The following PRXL2B variants were observed in gnomAD, a reference collection of about 807,000 sequenced individuals.
PRXL2B encodes the protein peroxiredoxin like 2B, also known as prostamide/prostaglandin F synthase.
A neutral mutation model predicts 24.4 loss-of-function variants in PRXL2B; 26 were observed. That is an observed-to-expected ratio of 1.07 (90% confidence interval 0.78 to 1.48). The LOEUF (loss-of-function observed/expected upper bound fraction) is 1.48, where lower values mean the gene tolerates loss of function less well. Ranked by LOEUF, PRXL2B falls within the 40% of genes most tolerant of loss-of-function variation. The probability of loss-of-function intolerance (pLI) is 0.00; values close to 1 mark genes in which losing one functional copy is unlikely to be tolerated. For synonymous variants in PRXL2B, 115 were observed against 118.9 expected, an observed-to-expected ratio of 0.97 and a Z score of 0.21; for missense variants, 269 against 264.8, an observed-to-expected ratio of 1.02 and a Z score of -0.11.
At position 2,590,710 on chromosome 1, in the gene PRXL2B, G is replaced by T. The variant is rs891922165; in HGVS notation, c.*1283G>T. ...GGAAGACAATGCACCTTGGAGGGTGGGCAGGACACAGTTGATTGTCTCTAC... is the reference window on the plus strand; with the variant it reads ...GGAAGACAATGCACCTTGGAGGGTGTGCAGGACACAGTTGATTGTCTCTAC... On this transcript the variant is annotated 3_prime_UTR_variant, in exon 7 of 7. Transcript: ENST00000419916. The T allele has an allele frequency of 4.5e-5, 17 of 379,908 alleles. No homozygotes were observed. The highest frequency in any genetic ancestry group is 7.0e-5 in the Non-Finnish European group (15 of 214,122). 23.5% of individuals were successfully genotyped at this position (379,908 alleles called of 1,614,324 possible). A position where few individuals can be genotyped will look rare whatever the true frequency, so the allele number is the denominator to read the frequency against.
chr1:2,590,680 A>G lies in PRXL2B; in HGVS notation c.*1253A>G, dbSNP rs577343419. ...ACTTAGCTCAAGTCTGAAGCTGTAG[A>G]TACTGGAAGACAATGCACCTTGGAG... On this transcript the variant is annotated 3_prime_UTR_variant, in exon 7 of 7. Coordinates refer to ENST00000419916, the MANE Select transcript of PRXL2B (RefSeq NM_152371.5). 1.6e-4 allele frequency: 55 copies of G among 344,260 alleles called. No homozygotes were observed. Among genetic ancestry groups the G allele is most frequent in the African/African-American group, 9.0e-4 (43 of 47,640 alleles). The allele number at this position is 344,260 out of a possible 1,614,324, so 21.3% of individuals were successfully genotyped here. A position where few individuals can be genotyped will look rare whatever the true frequency, so the allele number is the denominator to read the frequency against.
Position 2,589,401 on chromosome 1 carries a change from TCC to T in PRXL2B, c.580-6_580-5del. Reference sequence around the variant, plus strand: ...CCAGCGGCCCCATGGGACCCTGCTGTCCCCACAGTGTGACAGAGAGGTGTGAG... The same window carrying T: ...CCAGCGGCCCCATGGGACCCTGCTGTCCACAGTGTGACAGAGAGGTGTGAG... On this transcript the variant is annotated splice_polypyrimidine_tract_variant and splice_region_variant and intron_variant, in intron 6 of 6. Coordinates refer to ENST00000419916, the MANE Select transcript of PRXL2B (RefSeq NM_152371.5). 1 of 1,613,268 alleles carries T rather than the reference TCC, an allele frequency of 6.2e-7. No homozygotes were observed.
intron 3 of PRXL2B, 62 bp from the exon 4 acceptor site, chr1:2,588,328 T>G: frequency 6.2e-7 from 1 of 1,612,792 alleles, no homozygotes; most frequent in Non-Finnish European, 8.5e-7. Context: ...TCATGGACAC[T>G]GGAGCAGGCT....
chr1:2,588,291 G>A, intron 3 of PRXL2B, 99 bp from the exon 4 acceptor site: 2 of 1,492,048 alleles, frequency 1.3e-6, no homozygotes, highest in East Asian at 4.8e-5. Context: ...CGGGTGGGTG[G>A]GGTGGGGCCT....
chr1:2,590,953 G>A lies in PRXL2B; in HGVS notation c.*1526G>A, dbSNP rs2296443. 0.31 allele frequency: 438,393 copies of A among 1,429,510 alleles called. 70,996 individuals carry two copies. Among genetic ancestry groups the A allele is most frequent in the East Asian group, 0.35 (13,601 of 38,806 alleles). 88.6% of individuals were successfully genotyped at this position (1,429,510 alleles called of 1,614,324 possible). A position where few individuals can be genotyped will look rare whatever the true frequency, so the allele number is the denominator to read the frequency against. ...CTTCGCACAGATGCCTCCGAGCAGC[G>A]GGTGGGCGTGGGCCGCACAGCGCGG... is the stretch of plus-strand genomic sequence containing the variant. On this transcript the variant is annotated 3_prime_UTR_variant, in exon 7 of 7. Transcript: ENST00000419916.
rs780299564 is a variant in PRXL2B at position 2,589,085 on chromosome 1, C to T, written c.579+45C>T. ...CGCTGCCTGCCAGCCCACGCCCTGC[C>T]CCTAGGTCCCCTGGGAGGAGCACTC... is the stretch of plus-strand genomic sequence containing the variant. On this transcript the variant is annotated intron_variant, in intron 6 of 6. Transcript: ENST00000419916. 5 of 1,567,168 alleles carry T rather than the reference C, an allele frequency of 3.2e-6. No homozygotes were observed. The East Asian group carries it at 6.7e-5, about 21-fold the overall frequency.
At position 2,590,823 on chromosome 1, in the gene PRXL2B, G is replaced by A. The variant is rs1432372064; in HGVS notation, c.*1396G>A. 1 of 476,578 alleles carries A rather than the reference G, an allele frequency of 2.1e-6. No homozygotes were observed. Among genetic ancestry groups the A allele is most frequent in the African/African-American group, 2.0e-5 (1 of 49,438 alleles). The allele number at this position is 476,578 out of a possible 1,614,324, so 29.5% of individuals were successfully genotyped here. ...TGCACTGGACACTGCTCATCCCTGGGTGTCAGGCAGGTGGCTGCACCCTAG... is the reference window on the plus strand; with the variant it reads ...TGCACTGGACACTGCTCATCCCTGGATGTCAGGCAGGTGGCTGCACCCTAG... On this transcript the variant is annotated 3_prime_UTR_variant, in exon 7 of 7. Coordinates refer to ENST00000419916, the MANE Select transcript of PRXL2B (RefSeq NM_152371.5).
rs762160893 is a variant in PRXL2B at position 2,589,033 on chromosome 1, C to T, written c.572C>T (p.Pro191Leu). 27 of 1,612,798 alleles carry T rather than the reference C, an allele frequency of 1.7e-5. No individual in the cohort carries two copies. The East Asian group carries it at 2.7e-4, about 16-fold the overall frequency. Residue 191 changes from proline to leucine, a missense_variant, in exon 6 of 7, where the codon CCG becomes CTG. By Grantham distance (98) the Pro-to-Leu change is moderately conservative. Coordinates refer to ENST00000419916, the MANE Select transcript of PRXL2B (RefSeq NM_152371.5). ...TCTGCGGAGGTCTGTGCCAGCGACC[C>T]GCCTCAGGTGAGCTGGGCCTTGGGG... ...GISAEVCASD[P>L]PQCDREV is the part of the protein sequence containing the mutation.
intron 3 of PRXL2B, 110 bp from the exon 4 acceptor site, chr1:2,588,280 G>C: frequency 7.1e-7 from 1 of 1,405,634 alleles, no homozygotes; most frequent in East Asian, 2.5e-5. Flanking sequence ...CCCTGGTGAG[G>C]CGGGTGGGTG....
chr1:2,587,417 G>A lies in PRXL2B; in HGVS notation c.268+122G>A. 8.5e-7 allele frequency: 1 copy of A among 1,172,344 alleles called. No individual in the cohort carries two copies. The highest frequency in any genetic ancestry group is 1.2e-6 in the Non-Finnish European group (1 of 829,698). 72.6% of individuals were successfully genotyped at this position (1,172,344 alleles called of 1,614,324 possible). ...TGGAGCGGCCTTGATATGCCCACGG[G>A]TCAGCGTCCCTCATCTCTCCCTGCC... On this transcript the variant is annotated intron_variant, in intron 2 of 6. Transcript: ENST00000419916. The surrounding 1 kb of genome is among the most constrained non-coding windows in gnomAD (Gnocchi z 6.1).
At position 2,589,599 on chromosome 1, in the gene PRXL2B, T is replaced by G. The variant is rs552501983; in HGVS notation, c.*172T>G. The G allele has an allele frequency of 1.2e-6, 1 of 857,548 alleles. No homozygotes were observed. The highest frequency in any genetic ancestry group is 1.7e-5 in the African/African-American group (1 of 59,706). 53.1% of individuals were successfully genotyped at this position (857,548 alleles called of 1,614,324 possible). A position where few individuals can be genotyped will look rare whatever the true frequency, so the allele number is the denominator to read the frequency against. On this transcript the variant is annotated 3_prime_UTR_variant, in exon 7 of 7. Transcript: ENST00000419916. ...ACTGCAGTTCCTGACCACGCACTGCTTCGCAGGCTCCGAGCCCTGCATCCT... is the reference window on the plus strand; with the variant it reads ...ACTGCAGTTCCTGACCACGCACTGCGTCGCAGGCTCCGAGCCCTGCATCCT...
At position 2,588,920 on chromosome 1, in the gene PRXL2B, A is replaced by G. The variant is rs1644601356; in HGVS notation, c.461-2A>G. 1 of 1,612,984 alleles carries G rather than the reference A, an allele frequency of 6.2e-7. No homozygotes were observed. The highest frequency in any genetic ancestry group is 2.2e-5 in the East Asian group (1 of 44,862). On this transcript the variant is annotated splice_acceptor_variant, in intron 5 of 6. Transcript: ENST00000419916. LOFTEE classifies it high-confidence loss of function. ...GCCGTGACTGCCTGCCCGCTGCTAC[A>G]GGTGGTGATAAAGTGCTCCTGCATT...
At position 2,588,892 on chromosome 1, in the gene PRXL2B, G is replaced by A. The variant is rs765643404; in HGVS notation, c.461-30G>A. On this transcript the variant is annotated intron_variant, in intron 5 of 6. Transcript: ENST00000419916. ...GCTGTGAGGTGCAGGCGGCCTCCGG[G>A]GTGCCGTGACTGCCTGCCCGCTGCT... 12 of 1,601,576 alleles carry A rather than the reference G, an allele frequency of 7.5e-6. No homozygotes were observed. The Admixed American group carries it at 1.8e-4, about 25-fold the overall frequency.
rs1557505823 is a variant in PRXL2B at position 2,589,110 on chromosome 1, CGGCTT to C, written c.579+75_579+79del. 6 of 1,454,332 alleles carry C rather than the reference CGGCTT, an allele frequency of 4.1e-6. No homozygotes were observed. The East Asian group carries it at 1.4e-4, about 33-fold the overall frequency. 90.1% of individuals were successfully genotyped at this position (1,454,332 alleles called of 1,614,324 possible). On this transcript the variant is annotated intron_variant, in intron 6 of 6. Coordinates refer to ENST00000419916, the MANE Select transcript of PRXL2B (RefSeq NM_152371.5). ...CCCTAGGTCCCCTGGGAGGAGCACT[CGGCTT>C]GGCTGGGAGCTGAGCCACAGCGCTG...
intron 6 of PRXL2B, 145 bp downstream of exon 6, chr1:2,589,185 A>T: frequency 1.0e-6 from 1 of 996,994 alleles, no homozygotes; most frequent in Non-Finnish European, 1.5e-6. Flanking sequence ...TGCCACTGTG[A>T]CCCCACTTGC....
chr1:2,588,970 A>G lies in PRXL2B; in HGVS notation c.509A>G (p.Tyr170Cys), dbSNP rs544710926. The change falls in exon 6 of 7, where the codon TAC becomes TGC. Residue 170 changes from tyrosine (Y) to cysteine (C), a missense_variant. Physicochemically the swap from Tyr to Cys is radical, Grantham distance 194. Coordinates refer to ENST00000419916, the MANE Select transcript of PRXL2B (RefSeq NM_152371.5). ...TTCGTCCAGAAGTCCCCAGGCGACT[A>G]CGTCCCCAAGGAGCACATCCTGCAG... Reference protein sequence around the residue: ...LHFVQKSPGDYVPKEHILQVL... With the variant: ...LHFVQKSPGDCVPKEHILQVL... 8.1e-6 allele frequency: 13 copies of G among 1,613,358 alleles called. No homozygotes were observed. The highest frequency in any genetic ancestry group is 4.5e-5 in the East Asian group (2 of 44,880).
intron 6 of PRXL2B, 100 bp downstream of exon 6, chr1:2,589,140 G>GGGAGC (rs775286283): frequency 1.7e-6 from 2 of 1,209,316 alleles, no homozygotes; most frequent in Non-Finnish European, 2.4e-6. Flanking sequence ...CCACAGCGCT[G>GGGAGC]TGGGCATCAT....
chr1:2,587,696 C>A lies in PRXL2B; in HGVS notation c.269-45C>A. ...TTCTTTGTGGTGAGTGGGTTGGGGG[C>A]TGGTTCTGCGCCTGGGGCACACACA... is the stretch of plus-strand genomic sequence containing the variant. On this transcript the variant is annotated intron_variant, in intron 2 of 6. Transcript: ENST00000419916. This position sits in a 1 kb window ranked among gnomAD's most constrained non-coding sequence, Gnocchi z 6.1. 1.3e-6 allele frequency: 2 copies of A among 1,572,614 alleles called. No homozygotes were observed. The highest frequency in any genetic ancestry group is 2.3e-5 in the South Asian group (2 of 86,024).
chr1:2,586,797 TGAGCCGGGAGCGGGGATCCAGGAGCGAG>T lies in PRXL2B; in HGVS notation c.-72_-45del, dbSNP rs749526587. ...GGGGCGGGGCTTGGGGCTGGATCTA[TGAGCCGGGAGCGGGGATCCAGGAGCGAG>T]GAGCCGGGAGCGGGGAACAGGGAGT... On this transcript the variant is annotated 5_prime_UTR_variant, in exon 1 of 7. Coordinates refer to ENST00000419916, the MANE Select transcript of PRXL2B (RefSeq NM_152371.5). 1.5e-5 allele frequency: 19 copies of T among 1,257,618 alleles called. No homozygotes were observed. Among genetic ancestry groups the T allele is most frequent in the East Asian group, 1.3e-4 (4 of 31,710 alleles). The allele number at this position is 1,257,618 out of a possible 1,614,324, so 77.9% of individuals were successfully genotyped here.
Sources: gnomAD v4.1 joint callset for allele counts on GRCh38, gnomAD v4.1.1 for gene constraint, Gnocchi (gnomAD v3.1) non-coding constraint, MANE v1.5 for transcripts, NCBI Gene and HGNC (gene_info 2026-07-23, HGNC 2026-07-21) for gene names.